Variants in JSRP1 observed in about 807,000 individuals in gnomAD.
The protein encoded by JSRP1 is 2310032K21Rik.
A neutral mutation model predicts 21.4 loss-of-function variants in JSRP1; 29 were observed. That is an observed-to-expected ratio of 1.36 (90% CI 1.01 to 1.85). The LOEUF (loss-of-function observed/expected upper bound fraction) is 1.85, where lower values mean the gene tolerates loss of function less well. Among genes scored for constraint, JSRP1 ranks in the 40% most tolerant of loss-of-function variants. The pLI, the probability that JSRP1 is intolerant of heterozygous loss-of-function variation, is 0.00. For synonymous variants in JSRP1, 221 were observed against 206.1 expected, an observed-to-expected ratio of 1.07 and a Z score of -0.62; for missense variants, 531 against 461.5, an observed-to-expected ratio of 1.15 and a Z score of -1.38.
At position 2,252,903 on chromosome 19, in the gene JSRP1, A is replaced by G. The variant is rs1443353430; in HGVS notation, c.528+9T>C. The stretch of plus-strand genomic sequence containing the variant: ...CCAATGCCCGCGGTCAGTGGAAGGA[A>G]GCTCTTACCAGGGGCGACGATGGCT... On this transcript the variant is annotated intron_variant, in intron 6 of 6. Transcript: ENST00000300961. 6.2e-7 allele frequency: 1 copy of G among 1,608,144 alleles called. No individual in the cohort carries two copies. Among genetic ancestry groups the G allele is most frequent in the Non-Finnish European group, 8.5e-7 (1 of 1,177,282 alleles).
chr19:2,254,240 G>T lies in JSRP1; in HGVS notation c.209C>A (p.Pro70His). ...DTRPKKMEKE[P>H]AARGTPGTGK... ...CGTTCCTGGGGTCCCCCTGGCGGCA[G>T]GCTCTTTTTCCATCTTCTTGGGCCT... The change falls in exon 4 of 7, where the codon CCT (proline) becomes CAT (histidine). Residue 70 changes from proline to histidine, a missense_variant. Transcript: ENST00000300961. The T allele has an allele frequency of 6.2e-7, 1 of 1,606,194 alleles. No homozygotes were observed. Among genetic ancestry groups the T allele is most frequent in the Non-Finnish European group, 8.5e-7 (1 of 1,176,644 alleles).
At position 2,252,660 on chromosome 19, in the gene JSRP1, GCCTC is replaced by G. The variant is rs753777649; in HGVS notation, c.661_664del (p.Glu221ProfsTer7). ...GAGGGTCACACGGTCCTCCCGGACG[GCCTC>G]TCCGGTGGCCTCGCCGGGCTCCTCT... On this transcript the variant is annotated frameshift_variant, in exon 7 of 7. Coordinates refer to ENST00000300961, the MANE Select transcript of JSRP1 (RefSeq NM_144616.4). LOFTEE classifies it low-confidence loss of function (END_TRUNC). 1.9e-6 allele frequency: 3 copies of G among 1,612,168 alleles called. No homozygotes were observed. Among genetic ancestry groups the G allele is most frequent in the Non-Finnish European group, 2.5e-6 (3 of 1,179,924 alleles).
At chr19:2,255,373 A>G in intron 1 of JSRP1, 29 bp from the exon 2 acceptor site, 1 of 1,128,656 alleles carries the variant, frequency 8.9e-7, no homozygotes, top group Non-Finnish European at 1.3e-6. Context: ...AAGGTCTTGC[A>G]TTTACTGAGT....
At chr19:2,253,921 G>A in intron 4 of JSRP1, 128 bp from the exon 5 acceptor site, 1 of 1,140,088 alleles carries the variant, frequency 8.8e-7, no homozygotes, top group South Asian at 2.0e-5. Flanking sequence ...GCGGCCCCGG[G>A]CGCAGGTGAA....
chr19:2,252,576 G>C lies in JSRP1; in HGVS notation c.749C>G (p.Pro250Arg). Reference protein sequence around the residue: ...RREGKPRKEKPRKEERPKKER... With the variant: ...RREGKPRKEKRRKEERPKKER... Reference sequence around the variant, plus strand: ...TTTCTTAGGTCTCTCCTCCTTCCGCGGCTTCTCCTTCCGCGGCTTCCCCTC... The same window carrying C: ...TTTCTTAGGTCTCTCCTCCTTCCGCCGCTTCTCCTTCCGCGGCTTCCCCTC... The change falls in exon 7 of 7, where the codon CCG (proline) becomes CGG (arginine). Residue 250 changes from proline (P) to arginine (R), a missense_variant. Transcript: ENST00000300961. The C allele has an allele frequency of 6.2e-7, 1 of 1,612,504 alleles. No individual in the cohort carries two copies. The highest frequency in any genetic ancestry group is 8.5e-7 in the Non-Finnish European group (1 of 1,179,782).
intron 2 of JSRP1, among the ~76,000 whole-genome samples, chr19:2,254,683 T>C (rs1474082216): frequency 6.6e-6 from 1 of 150,592 alleles, no homozygotes; most frequent in African/African-American, 2.5e-5. Context: ...GCCCAGGAGT[T>C]TGAGACCAGC....
At position 2,254,716 on chromosome 19, in the gene JSRP1, A is replaced by G. The variant is rs1379840326; in HGVS notation, c.110-234T>C. ...AGCCTGGGCAACATAGTGAGACCCC[A>G]TCTCTAAAAAAAAAAAAAAAAAAAA... On this transcript the variant is annotated intron_variant, in intron 2 of 6. Transcript: ENST00000300961. Among the ~76,000 whole-genome samples, 4 of 129,690 alleles carry G rather than the reference A, an allele frequency of 3.1e-5. No individual in the cohort carries two copies. In the East Asian group the frequency reaches 8.6e-4, roughly 28 times the overall value. 85.1% of individuals were successfully genotyped at this position (129,690 alleles called of 152,430 possible).
intron 5 of JSRP1, 132 bp downstream of exon 5, chr19:2,253,488 G>T: frequency 1.1e-6 from 1 of 874,248 alleles, no homozygotes; most frequent in Non-Finnish European, 1.6e-6. Flanking sequence ...AACCAACTTT[G>T]GGGGCGTGCA....
chr19:2,252,998 C>A lies in JSRP1; in HGVS notation c.442G>T (p.Val148Phe). Reference protein sequence around the residue: ...GSAFQLCRDAVPGEAALQARV... With the variant: ...GSAFQLCRDAFPGEAALQARV... ...GCTTGGAGTGCTGCCTCCCCAGGGA[C>A]GGCGTCTGCAGCGACAGGGTCGGGA... Residue 148 changes from valine (V) to phenylalanine (F), a missense_variant, in exon 6 of 7, where the codon GTC becomes TTC. By Grantham distance (50) the Val-to-Phe change is conservative (BLOSUM62 -1). Transcript: ENST00000300961. The A allele has an allele frequency of 3.1e-6, 5 of 1,600,122 alleles. No homozygotes were observed. Among genetic ancestry groups the A allele is most frequent in the Non-Finnish European group, 4.3e-6 (5 of 1,173,550 alleles).
In JSRP1 at chr19:2,252,982, G is replaced by T; in HGVS notation, c.458C>A (p.Ala153Glu). ...LCRDAVPGEA[A>E]LQARVPEPWV... is the part of the protein sequence containing the mutation. ...GGGCTCGGGCACACGTGCTTGGAGT[G>T]CTGCCTCCCCAGGGACGGCGTCTGC... The change falls in exon 6 of 7, where the codon GCA becomes GAA. Residue 153 changes from alanine to glutamate, a missense_variant. Physicochemically the swap from Ala to Glu is moderately radical, Grantham distance 107 (BLOSUM62 -1). Coordinates refer to ENST00000300961, the MANE Select transcript of JSRP1 (RefSeq NM_144616.4). The T allele has an allele frequency of 6.2e-7, 1 of 1,606,330 alleles. No homozygotes were observed. The highest frequency in any genetic ancestry group is 8.5e-7 in the Non-Finnish European group (1 of 1,176,924).
rs2025119454 is a variant in JSRP1, at chr19:2,254,472, C to T, written c.120G>A (p.Arg40=). ...GGGGCACGCTGCCGGAGTCGGCCAG[C>T]CTGGGTGTCGCTGTGGGAACACAGG... ...TQEDRASATP[R]LADSGSVPHD... The change falls in exon 3 of 7, where the codon AGG becomes AGA. Residue 40 remains arginine (R), a synonymous_variant. Coordinates refer to ENST00000300961, the MANE Select transcript of JSRP1 (RefSeq NM_144616.4). The T allele has an allele frequency of 9.9e-6, 16 of 1,612,740 alleles. No homozygotes were observed. Among genetic ancestry groups the T allele is most frequent in the African/African-American group, 1.3e-5 (1 of 74,944 alleles).
At chr19:2,253,988 C>T (rs755051438) in intron 4 of JSRP1, among the ~76,000 whole-genome samples, 195 bp from the exon 5 acceptor site, 1 of 152,230 alleles carries the variant, frequency 6.6e-6, no homozygotes, top group Non-Finnish European at 1.5e-5. Context: ...TGGAAGGTAA[C>T]TTCCCGGAGC....
In JSRP1 at chr19:2,252,398, C is replaced by T. The variant is rs771294934; in HGVS notation, c.927G>A (p.Pro309=). 6 of 1,601,132 alleles carry T rather than the reference C, an allele frequency of 3.7e-6. No homozygotes were observed. In the South Asian group the frequency reaches 4.4e-5, roughly 12 times the overall value. Reference sequence around the variant, plus strand: ...GCCGCTGCTCCTCGTCGGGACGCCTCGGGGACACCCAGGCCTGCTTCTTCC... The same window carrying T: ...GCCGCTGCTCCTCGTCGGGACGCCTTGGGGACACCCAGGCCTGCTTCTTCC... ...EPRKKQAWVS[P]RRPDEEQRPG... The change falls in exon 7 of 7, where the codon CCG becomes CCA. Residue 309 remains proline, a synonymous_variant. Coordinates refer to ENST00000300961, the MANE Select transcript of JSRP1 (RefSeq NM_144616.4).
chr19:2,255,065 G>C (rs995400840), intron 2 of JSRP1, 141 bp downstream of exon 2: 1 of 506,224 alleles, frequency 2.0e-6, no homozygotes, highest in African/African-American at 2.0e-5. Flanking sequence ...GCAGAAATGA[G>C]GGCCAGGGGT....
rs559302658 is a variant in JSRP1, at chr19:2,253,723, C to T, written c.333G>A (p.Pro111=). 1.0e-5 allele frequency: 15 copies of T among 1,491,320 alleles called. No homozygotes were observed. The highest frequency in any genetic ancestry group is 1.5e-5 in the African/African-American group (1 of 68,240). 92.4% of individuals were successfully genotyped at this position (1,491,320 alleles called of 1,614,324 possible). ...APPLQPPPPP[P]ALSEELPWGD... ...CCCAGGGCAGCTCCTCGCTCAGGGCCGGGGGCGGCGGCGGCGGCTGCAGGG... is the reference window on the plus strand; with the variant it reads ...CCCAGGGCAGCTCCTCGCTCAGGGCTGGGGGCGGCGGCGGCGGCTGCAGGG... The change falls in exon 5 of 7, where the codon CCG becomes CCA. Residue 111 remains proline, a synonymous_variant. Transcript: ENST00000300961.
At position 2,253,763 on chromosome 19, in the gene JSRP1, G is replaced by A. The variant is rs1399603537; in HGVS notation, c.293C>T (p.Ala98Val). Residue 98 changes from alanine to valine, a missense_variant, in exon 5 of 7, where the codon GCG becomes GTG. Ala to Val is a moderately conservative substitution (Grantham distance 64). Coordinates refer to ENST00000300961, the MANE Select transcript of JSRP1 (RefSeq NM_144616.4). The stretch of plus-strand genomic sequence containing the variant: ...CGGCTGCAGGGGCGGCGCGGTCTGC[G>A]CCTTCTTGCGCGCGGGGACGCTCCG... ...SPRSVPARKK[A>V]QTAPPLQPPP... 1 of 1,439,654 alleles carries A rather than the reference G, an allele frequency of 6.9e-7. No individual in the cohort carries two copies. The highest frequency in any genetic ancestry group is 3.0e-5 in the Admixed American group (1 of 33,820). The allele number at this position is 1,439,654 out of a possible 1,614,324, so 89.2% of individuals were successfully genotyped here. A position where few individuals can be genotyped will look rare whatever the true frequency, so the allele number is the denominator to read the frequency against.
chr19:2,252,279 G>C lies in JSRP1; in HGVS notation c.*50C>G. The C allele has an allele frequency of 2.9e-6, 4 of 1,393,144 alleles. No individual in the cohort carries two copies. Among genetic ancestry groups the C allele is most frequent in the African/African-American group, 1.5e-5 (1 of 68,810 alleles). The allele number at this position is 1,393,144 out of a possible 1,614,324, so 86.3% of individuals were successfully genotyped here. A position where few individuals can be genotyped will look rare whatever the true frequency, so the allele number is the denominator to read the frequency against. ...CCGCAGCACTCGCTTTATTTCGCCA[G>C]AGTCGCGGGGCGTCCAGAAGGGGCC... On this transcript the variant is annotated 3_prime_UTR_variant, in exon 7 of 7. Coordinates refer to ENST00000300961, the MANE Select transcript of JSRP1 (RefSeq NM_144616.4).
intron 1 of JSRP1, 119 bp from the exon 2 acceptor site, chr19:2,255,463 C>T (rs1379155354): frequency 5.1e-5 from 29 of 563,642 alleles, no homozygotes; most frequent in South Asian, 1.6e-4. Context: ...CCTCCTCACT[C>T]GGCAAATTCA....
chr19:2,252,629 G>A lies in JSRP1; in HGVS notation c.696C>T (p.Asp232=), dbSNP rs2025074395. Residue 232 remains aspartate (D), a synonymous_variant, in exon 7 of 7, where the codon GAC becomes GAT. Coordinates refer to ENST00000300961, the MANE Select transcript of JSRP1 (RefSeq NM_144616.4). ...AVREDRVTLA[D]RGPKERPRRE... is the part of the protein sequence containing the mutation. ...TCCGAGGCCTCTCCTTGGGTCCCCG[G>A]TCTGCGAGGGTCACACGGTCCTCCC... The A allele has an allele frequency of 3.7e-6, 6 of 1,612,430 alleles. No homozygotes were observed. Among genetic ancestry groups the A allele is most frequent in the Non-Finnish European group, 5.1e-6 (6 of 1,179,928 alleles).
Sources: gnomAD v4.1 joint callset for allele counts (sites outside exome capture counted in the v4.1 genomes callset) on GRCh38, gnomAD v4.1.1 for gene constraint, MANE v1.5 for transcripts, NCBI Gene and HGNC (gene_info 2026-07-23, HGNC 2026-07-21) for gene names.